FBLN7: variants seen among roughly 807,000 people sequenced by gnomAD.
FBLN7 encodes fibulin-7.
A neutral mutation model predicts 44.0 loss-of-function variants in FBLN7; 31 were observed. The ratio of observed to expected loss-of-function variants is 0.70; its 90% CI spans 0.53 to 0.95. FBLN7 has a LOEUF of 0.95. FBLN7 is among the 40% of genes least tolerant of loss of function. The probability of loss-of-function intolerance (pLI) is 0.00; values close to 1 mark genes in which losing one functional copy is unlikely to be tolerated. For missense variants in FBLN7, 573 were observed against 618.5 expected, an observed-to-expected ratio of 0.93 and a Z score of 0.78; for synonymous variants, 262 against 253.4, an observed-to-expected ratio of 1.03 and a Z score of -0.32.
At chr2:112,233,210 A>G in the FBLN7 span, 1 of 1,303,052 alleles carries the variant, frequency 7.7e-7, no homozygotes, top group Non-Finnish European at 1.0e-6. Flanking sequence ...CACATTTAAA[A>G]TGTTCATGTA....
At chr2:112,221,803 A>ACTAT in the FBLN7 span, among the ~76,000 whole-genome samples, 1 of 152,082 alleles carries the variant, frequency 6.6e-6, no homozygotes, top group African/African-American at 2.4e-5. Flanking sequence ...GATTGGGTTG[A>ACTAT]CTATCTCCTG....
chr2:112,196,431 G>GAGTGCAGTGGTATATTCTCATGCC, the FBLN7 span, among the ~76,000 whole-genome samples: 1 of 140,412 alleles, frequency 7.1e-6, no homozygotes, highest in African/African-American at 2.7e-5. Flanking sequence ...ACCCAGGCTG[G>GAGTGCAGTGGTATATTCTCATGCC]AGTGCAGTGG....
intron 1 of FBLN7, among the ~76,000 whole-genome samples, chr2:112,142,895 GTGTA>G (rs1396095390): frequency 2.0e-5 from 3 of 152,020 alleles, no homozygotes; most frequent in South Asian, 2.1e-4. Flanking sequence ...GTGATGGTAA[GTGTA>G]TGTGTGTGTG....
chr2:112,197,338 A>G, the FBLN7 span, among the ~76,000 whole-genome samples: 6 of 150,536 alleles, frequency 4.0e-5, no homozygotes, highest in Non-Finnish European at 7.4e-5. Flanking sequence ...GAGAGAGAGA[A>G]AAGACAGAAG....
chr2:112,243,998 G>T, the FBLN7 span, among the ~76,000 whole-genome samples: 10 of 141,098 alleles, frequency 7.1e-5, no homozygotes, highest in Non-Finnish European at 1.1e-4. Flanking sequence ...TAGAAACAGA[G>T]GAAATATCTT....
chr2:112,196,374 CTTTTTTTT>C, the FBLN7 span, among the ~76,000 whole-genome samples: 52 of 63,274 alleles, frequency 8.2e-4, no homozygotes, highest in Non-Finnish European at 1.1e-3. Context: ...TCTTCTTCTT[CTTTTTTTT>C]TTTTTTTTTT....
Position 112,175,854 on chromosome 2 carries a change from T to C in FBLN7, c.532+15T>C, listed in dbSNP as rs768242021. On this transcript the variant is annotated intron_variant, in intron 4 of 7. Coordinates refer to ENST00000331203, the MANE Select transcript of FBLN7 (RefSeq NM_153214.3). ...GGCCCAGACTGGTATGTAGCCACCA[T>C]GGGGTTAGGTGAGGACATCCTGCTG... is the stretch of plus-strand genomic sequence containing the variant. 7 of 1,612,774 alleles carry C rather than the reference T, an allele frequency of 4.3e-6. No homozygotes were observed. The highest frequency in any genetic ancestry group is 1.7e-4 in the Middle Eastern group (1 of 6,052).
chr2:112,149,663 C>G (rs769205571), intron 1 of FBLN7, among the ~76,000 whole-genome samples: 8 of 152,202 alleles, frequency 5.3e-5, no homozygotes, highest in Non-Finnish European at 1.2e-4. Flanking sequence ...TTTCTTTATC[C>G]TTTCAAACTC....
chr2:112,179,772 A>G (rs1028670393), intron 4 of FBLN7, among the ~76,000 whole-genome samples: 11 of 152,264 alleles, frequency 7.2e-5, no homozygotes, highest in African/African-American at 2.4e-4. Flanking sequence ...TGGTGCTGGG[A>G]TAACTGGCTA....
intron 3 of FBLN7, among the ~76,000 whole-genome samples, chr2:112,168,475 C>T (rs1682282915): frequency 2.0e-5 from 3 of 152,212 alleles, no homozygotes; most frequent in Non-Finnish European, 4.4e-5. Flanking sequence ...CTGCTGGCCA[C>T]GGCCCCTCCT....
chr2:112,178,546 C>CA (rs975833563), intron 4 of FBLN7, among the ~76,000 whole-genome samples: 2 of 151,944 alleles, frequency 1.3e-5, no homozygotes, highest in African/African-American at 4.8e-5. Context: ...AGAGACACAA[C>CA]AAAAAAAGAA....
chr2:112,195,308 T>C, the FBLN7 span, among the ~76,000 whole-genome samples: 1 of 152,248 alleles, frequency 6.6e-6, no homozygotes, highest in African/African-American at 2.4e-5. Flanking sequence ...AAGTGTGCTC[T>C]GTCATATACC....
chr2:112,190,568 T>A (rs780372503), downstream of FBLN7: 1 of 152,238 alleles, frequency 6.6e-6, no homozygotes, highest in African/African-American at 2.4e-5. Flanking sequence ...TTGAAACATA[T>A]CTGATGTTAT....
At chr2:112,214,427 A>G in the FBLN7 span, 1 of 151,834 alleles carries the variant, frequency 6.6e-6, no homozygotes, top group African/African-American at 2.4e-5. Context: ...TTCCCATACA[A>G]CTTTCTGGCT....
At chr2:112,182,729 G>GTCACAGCTGGCAACACTTGCT in intron 5 of FBLN7, 62 bp from the exon 6 acceptor site, 1 of 1,523,178 alleles carries the variant, frequency 6.6e-7, no homozygotes, top group Non-Finnish European at 8.8e-7. Context: ...ATTGTTCTGG[G>GTCACAGCTGGCAACACTTGCT]TCACAGCTGG....
chr2:112,206,236 C>T, the FBLN7 span, among the ~76,000 whole-genome samples: 1 of 152,124 alleles, frequency 6.6e-6, no homozygotes, highest in Admixed American at 6.6e-5. Flanking sequence ...TCATTCCTGA[C>T]ACTGGTATTT....
chr2:112,140,304 T>C (rs1181590220), intron 1 of FBLN7, among the ~76,000 whole-genome samples: 35 of 115,962 alleles, frequency 3.0e-4, no homozygotes, highest in East Asian at 1.2e-3. Flanking sequence ...TCTCTCCAGG[T>C]CAGTGTCCCT....
intron 1 of FBLN7, among the ~76,000 whole-genome samples, chr2:112,147,879 G>A (rs988335226): frequency 1.2e-4 from 19 of 152,196 alleles, no homozygotes; most frequent in Non-Finnish European, 2.4e-4. Context: ...TCATGATCCC[G>A]GGTCGTAGGT....
chr2:112,217,002 T>C, the FBLN7 span, among the ~76,000 whole-genome samples: 4 of 152,216 alleles, frequency 2.6e-5, no homozygotes, highest in Non-Finnish European at 5.9e-5. Flanking sequence ...AAAAAGATTT[T>C]TGGTTGAGCC....
Sources: allele counts gnomAD v4.1 joint callset (sites outside exome capture counted in the v4.1 genomes callset), GRCh38; gene constraint gnomAD v4.1.1; transcripts MANE v1.5; gene names NCBI Gene and HGNC (gene_info 2026-07-23, HGNC 2026-07-21).